Variants in NUMB observed in about 807,000 individuals in gnomAD.
NUMB encodes NUMB endocytic adaptor protein.
A neutral mutation model predicts 59.7 loss-of-function variants in NUMB; 29 were observed. The ratio of observed to expected loss-of-function variants is 0.49; its 90% CI spans 0.36 to 0.66. The LOEUF is 0.66. Ranked by LOEUF, NUMB falls within the 30% of genes least tolerant of loss-of-function variation. The probability of loss-of-function intolerance (pLI) is 0.00; values close to 1 mark genes in which losing one functional copy is unlikely to be tolerated. For synonymous variants in NUMB, 288 were observed against 288.2 expected (o/e 1.00, Z 0.01); for missense variants, 723 against 822.0 (o/e 0.88, Z 1.47).
At chr14:73,302,231 G>A (rs1177034409) in intron 6 of NUMB, among the ~76,000 whole-genome samples, 1 of 151,992 alleles carries the variant, frequency 6.6e-6, no homozygotes, top group Admixed American at 6.6e-5. Flanking sequence ...CAGATAATAC[G>A]AATTCTTGTA....
At chr14:73,390,528 G>T (rs1183048793) in intron 2 of NUMB, among the ~76,000 whole-genome samples, 1 of 150,326 alleles carries the variant, frequency 6.7e-6, no homozygotes, top group Non-Finnish European at 1.5e-5. Context: ...AGCAAAGTCA[G>T]ATGTTCCCCC....
intron 4 of NUMB, among the ~76,000 whole-genome samples, chr14:73,348,554 C>G (rs1182957330): frequency 1.3e-5 from 2 of 152,172 alleles, no homozygotes; most frequent in Non-Finnish European, 2.9e-5. Flanking sequence ...CATAGGAGCG[C>G]GAACTCTATT....
intron 1 of NUMB, among the ~76,000 whole-genome samples, chr14:73,441,408 C>T (rs940958261): frequency 1.3e-5 from 2 of 151,972 alleles, no homozygotes; most frequent in Admixed American, 1.3e-4. Flanking sequence ...ATTAGCCTGG[C>T]ATGGTAGTGC....
intron 1 of NUMB, among the ~76,000 whole-genome samples, chr14:73,441,051 A>G (rs144413624): frequency 3.4e-4 from 51 of 152,202 alleles, no homozygotes; most frequent in African/African-American, 1.2e-3. Flanking sequence ...CTTGTAAATC[A>G]TTATGTCTGA....
chr14:73,283,795 T>C (rs1352808138), intron 10 of NUMB, among the ~76,000 whole-genome samples: 1 of 152,224 alleles, frequency 6.6e-6, no homozygotes, highest in Non-Finnish European at 1.5e-5. Flanking sequence ...GCAGGTTGGC[T>C]GAAAGGCAGT....
intron 6 of NUMB, among the ~76,000 whole-genome samples, chr14:73,305,305 A>G (rs900743212): frequency 2.6e-5 from 4 of 152,210 alleles, no homozygotes; most frequent in Admixed American, 6.5e-5. Context: ...ATCTGATACA[A>G]TCACAATCTC....
At chr14:73,357,909 C>CA (rs527463733) in intron 3 of NUMB, among the ~76,000 whole-genome samples, 9 of 149,632 alleles carry the variant, frequency 6.0e-5, no homozygotes, top group South Asian at 4.2e-4. Context: ...AAAAACCCAC[C>CA]AAAAAAAACA....
chr14:73,316,544 G>C, intron 5 of NUMB, 122 bp from the exon 6 acceptor site: 1 of 801,702 alleles, frequency 1.2e-6, no homozygotes, highest in African/African-American at 1.7e-5. Context: ...GGGTGGGAGT[G>C]AGTTTCAAAG....
At position 73,276,123 on chromosome 14, in the gene NUMB, G is replaced by A. The variant is rs1888137176; in HGVS notation, c.*455C>T. 1 of 156,168 alleles carries A rather than the reference G, an allele frequency of 6.4e-6. No homozygotes were observed. The highest frequency in any genetic ancestry group is 2.4e-5 in the African/African-American group (1 of 41,478). 9.7% of individuals were successfully genotyped at this position (156,168 alleles called of 1,614,324 possible). A position where few individuals can be genotyped will look rare whatever the true frequency, so the allele number is the denominator to read the frequency against. On this transcript the variant is annotated 3_prime_UTR_variant, in exon 13 of 13. Transcript: ENST00000555238. ...TTCTGGCAGCATAGCGTGCCTCTCT[G>A]TTCCCCAGCCTGAGCACAAACCACT...
At chr14:73,356,979 T>A (rs577083463) in intron 3 of NUMB, 1 of 855,304 alleles carries the variant, frequency 1.2e-6, no homozygotes, top group Non-Finnish European at 1.4e-6. Context: ...ATTACAGGCG[T>A]GAGCCACCAT....
intron 2 of NUMB, among the ~76,000 whole-genome samples, chr14:73,400,508 A>T (rs1350257263): frequency 6.6e-6 from 1 of 152,224 alleles, no homozygotes; most frequent in Non-Finnish European, 1.5e-5. Flanking sequence ...CTTTCCTGAC[A>T]TATACCTCAT....
chr14:73,277,994 G>T (rs745316374), intron 12 of NUMB, among the ~76,000 whole-genome samples: 1 of 143,430 alleles, frequency 7.0e-6, no homozygotes, highest in Non-Finnish European at 1.5e-5. Context: ...AGAGGCAGAG[G>T]GTGCAGTGAA....
chr14:73,350,066 T>TACACACACACAC (rs1161769200), intron 4 of NUMB, among the ~76,000 whole-genome samples: 2 of 103,618 alleles, frequency 1.9e-5, no homozygotes, highest in South Asian at 5.2e-4. Context: ...CATATATACA[T>TACACACACACAC]ACATACATAC....
intron 4 of NUMB, among the ~76,000 whole-genome samples, chr14:73,343,767 C>CTGT (rs3028693): frequency 6.6e-6 from 1 of 152,080 alleles, no homozygotes; most frequent in African/African-American, 2.4e-5. Context: ...GTGTTGATAT[C>CTGT]AAAAAGGAGA....
chr14:73,449,727 T>C (rs919337825), intron 1 of NUMB, among the ~76,000 whole-genome samples: 3 of 152,154 alleles, frequency 2.0e-5, no homozygotes, highest in Non-Finnish European at 2.9e-5. Flanking sequence ...AGAGTCACAC[T>C]CTGTCGCCCA....
intron 6 of NUMB, among the ~76,000 whole-genome samples, chr14:73,303,201 G>C (rs934982562): frequency 6.6e-6 from 1 of 152,066 alleles, no homozygotes; most frequent in Non-Finnish European, 1.5e-5. Context: ...CTGGGCAACA[G>C]AGTGAGACTC....
intron 1 of NUMB, among the ~76,000 whole-genome samples, chr14:73,444,805 C>T (rs1280216802): frequency 1.4e-5 from 2 of 146,314 alleles, no homozygotes; most frequent in Admixed American, 7.1e-5. Context: ...TGCAGTGAGC[C>T]GAGATCACGC....
chr14:73,414,487 G>A (rs1272736259), intron 1 of NUMB, among the ~76,000 whole-genome samples: 1 of 152,104 alleles, frequency 6.6e-6, no homozygotes, highest in Non-Finnish European at 1.5e-5. Flanking sequence ...TCCGCTTCCT[G>A]GCTCAAGCAA....
chr14:73,378,356 C>T (rs1180128863), intron 2 of NUMB, among the ~76,000 whole-genome samples: 1 of 152,194 alleles, frequency 6.6e-6, no homozygotes, highest in East Asian at 1.9e-4. Context: ...GCTTACAAAA[C>T]TGCACATACT....
Sources: gnomAD v4.1 joint callset for allele counts (sites outside exome capture counted in the v4.1 genomes callset) on GRCh38, gnomAD v4.1.1 for gene constraint, MANE v1.5 for transcripts, NCBI Gene and HGNC (gene_info 2026-07-23, HGNC 2026-07-21) for gene names.